The following IKZF2 variants were observed in gnomAD, a reference collection of about 807,000 sequenced individuals.
IKZF2 encodes the protein IKAROS family zinc finger 2, also known as zinc finger protein Helios.
IKZF2 carries 15 observed loss-of-function variants against 49.2 expected under a neutral mutation model. The observed-to-expected ratio is 0.30, with a 90% CI of 0.20 to 0.47. The LOEUF (loss-of-function observed/expected upper bound fraction) is 0.47, where lower values mean the gene tolerates loss of function less well. Ranked by LOEUF, IKZF2 falls within the 20% of genes least tolerant of loss-of-function variation. IKZF2 has a pLI of 1.00. For synonymous variants in IKZF2, 227 were observed against 221.4 expected, an observed-to-expected ratio of 1.03 and a Z score of -0.23; for missense variants, 567 against 664.6, an observed-to-expected ratio of 0.85 and a Z score of 1.61.
intron 4 of IKZF2, among the ~76,000 whole-genome samples, chr2:213,129,453 T>C (rs1389822384): frequency 2.0e-5 from 3 of 150,838 alleles, no homozygotes; most frequent in African/African-American, 7.3e-5. Flanking sequence ...CAGAGGTCCT[T>C]AGACAGGAAC....
intron 4 of IKZF2, among the ~76,000 whole-genome samples, chr2:213,143,387 T>C (rs2060938971): frequency 6.6e-6 from 1 of 151,970 alleles, no homozygotes; most frequent in Non-Finnish European, 1.5e-5. Context: ...GATAGGGAGT[T>C]GGGAGCGGAA....
chr2:213,128,928 AGGCGTGAGCC>A (rs2125883796), intron 4 of IKZF2, among the ~76,000 whole-genome samples: 1 of 150,584 alleles, frequency 6.6e-6, no homozygotes, highest in South Asian at 2.1e-4. Flanking sequence ...CTGGGATTAC[AGGCGTGAGCC>A]ACCACATCTG....
chr2:213,125,907 C>T (rs1360536492), intron 4 of IKZF2, among the ~76,000 whole-genome samples: 1 of 151,848 alleles, frequency 6.6e-6, no homozygotes. Context: ...GGAAAGGAAA[C>T]AAAATATGTA....
chr2:213,079,888 T>C (rs554007632), intron 4 of IKZF2, among the ~76,000 whole-genome samples: 1 of 152,334 alleles, frequency 6.6e-6, no homozygotes, highest in Admixed American at 6.5e-5. Flanking sequence ...ACTTTGTATT[T>C]GCTTTCCTAT....
chr2:213,055,316 T>A (rs1701037017), intron 5 of IKZF2, among the ~76,000 whole-genome samples: 1 of 152,144 alleles, frequency 6.6e-6, no homozygotes. Flanking sequence ...TAGATTATTT[T>A]ATAGTCTTTT....
chr2:213,001,602 C>T lies in IKZF2; in HGVS notation c.*5758G>A, dbSNP rs1248000749. 1 of 151,128 alleles carries T rather than the reference C, an allele frequency of 6.6e-6. No individual in the cohort carries two copies. The highest frequency in any genetic ancestry group is 1.5e-5 in the Non-Finnish European group (1 of 67,410). The allele number at this position is 151,128 out of a possible 1,614,324, so 9.4% of individuals were successfully genotyped here. On this transcript the variant is annotated 3_prime_UTR_variant, in exon 9 of 9. Coordinates refer to ENST00000434687, the MANE Select transcript of IKZF2 (RefSeq NM_001387220.1). ...AAAAATACGTCAGCAGATTATACAA[C>T]CAACAAAAATCACGAAAAAAAAATT... is the stretch of plus-strand genomic sequence containing the variant.
chr2:213,084,762 G>C (rs772569967), intron 4 of IKZF2, among the ~76,000 whole-genome samples: 1 of 152,068 alleles, frequency 6.6e-6, no homozygotes, highest in Non-Finnish European at 1.5e-5. Flanking sequence ...ATAACATTAA[G>C]CCTTGTTGAA....
intron 7 of IKZF2, among the ~76,000 whole-genome samples, chr2:213,018,861 G>T (rs1404030456): frequency 6.6e-6 from 1 of 152,042 alleles, no homozygotes; most frequent in East Asian, 1.9e-4. Flanking sequence ...CTCATGTTTG[G>T]ATTGAACACT....
At chr2:213,091,984 T>C (rs11895664) in intron 4 of IKZF2, among the ~76,000 whole-genome samples, 21,694 of 151,644 alleles carry the variant, frequency 0.14, 3,493 homozygotes, top group African/African-American at 0.4. Flanking sequence ...ATTATATTTT[T>C]ATTAATTTAT....
intron 4 of IKZF2, among the ~76,000 whole-genome samples, chr2:213,112,501 C>G (rs1020623177): frequency 6.6e-6 from 1 of 150,490 alleles, no homozygotes; most frequent in African/African-American, 2.4e-5. Context: ...CACCCTGTCT[C>G]CCAGTGACAG....
intron 4 of IKZF2, among the ~76,000 whole-genome samples, chr2:213,103,471 C>T (rs961068331): frequency 1.3e-5 from 2 of 152,118 alleles, no homozygotes; most frequent in Non-Finnish European, 2.9e-5. Flanking sequence ...TTAGTGGGCA[C>T]TTACTGAATG....
Position 213,150,154 on chromosome 2 carries a change from G to A in IKZF2, c.-26C>T. On this transcript the variant is annotated 5_prime_UTR_variant, in exon 2 of 9. Transcript: ENST00000434687. ...ACGAAATGTACATACAAAAGAAATT[G>A]TCCTTTGATTAAAAAAGATTCATCA... 3 of 1,301,424 alleles carry A rather than the reference G, an allele frequency of 2.3e-6. No homozygotes were observed. The highest frequency in any genetic ancestry group is 3.0e-6 in the Non-Finnish European group (3 of 986,266). 80.6% of individuals were successfully genotyped at this position (1,301,424 alleles called of 1,614,324 possible).
At chr2:213,027,443 T>C (rs6744757) in intron 6 of IKZF2, among the ~76,000 whole-genome samples, 151,016 of 152,236 alleles carry the variant, frequency 0.99, 74,914 homozygotes, top group Middle Eastern at 1. Context: ...CACTTACCCC[T>C]TCCTCTGAGG....
Position 213,057,048 on chromosome 2 carries a change from G to C in IKZF2, c.191C>G (p.Pro64Arg). The change falls in exon 5 of 9, where the codon CCC becomes CGC. Residue 64 changes from proline to arginine, a missense_variant. Pro to Arg is a moderately radical substitution (Grantham distance 103, BLOSUM62 -2). Transcript: ENST00000434687. ...MQSDEECDRK[P>R]LSREDEIRGH... ...CCTGATCTCATCTTCACGGCTCAGGGGTTTCCTGTCACACTCTTCATCACT... is the reference window on the plus strand; with the variant it reads ...CCTGATCTCATCTTCACGGCTCAGGCGTTTCCTGTCACACTCTTCATCACT... 1 of 1,613,634 alleles carries C rather than the reference G, an allele frequency of 6.2e-7. No individual in the cohort carries two copies. The highest frequency in any genetic ancestry group is 8.5e-7 in the Non-Finnish European group (1 of 1,179,820).
intron 4 of IKZF2, among the ~76,000 whole-genome samples, chr2:213,129,032 G>A (rs1267079167): frequency 1.3e-5 from 2 of 151,728 alleles, no homozygotes; most frequent in Admixed American, 1.3e-4. Context: ...CTAAAATAGA[G>A]GGTTTAGAAT....
chr2:213,072,567 C>A (rs1030611735), intron 4 of IKZF2, among the ~76,000 whole-genome samples: 1 of 152,028 alleles, frequency 6.6e-6, no homozygotes, highest in Non-Finnish European at 1.5e-5. Flanking sequence ...GGCAAAGATA[C>A]CTTTCTACAT....
chr2:213,114,758 C>T (rs1255000167), intron 4 of IKZF2, among the ~76,000 whole-genome samples: 1 of 151,928 alleles, frequency 6.6e-6, no homozygotes, highest in African/African-American at 2.4e-5. Flanking sequence ...ATGGTGAAAC[C>T]TCATCTCTAC....
chr2:213,042,008 C>A (rs1699714230), intron 6 of IKZF2, among the ~76,000 whole-genome samples: 1 of 152,136 alleles, frequency 6.6e-6, no homozygotes, highest in East Asian at 1.9e-4. Flanking sequence ...TTGTAGTTCG[C>A]ATCATATAAT....
At chr2:213,096,324 T>C (rs1232181693) in intron 4 of IKZF2, among the ~76,000 whole-genome samples, 1 of 151,964 alleles carries the variant, frequency 6.6e-6, no homozygotes, top group Admixed American at 6.6e-5. Context: ...TTTTTCTGAT[T>C]ATGAAAGTAA....
Sources: gnomAD v4.1 joint callset for allele counts (sites outside exome capture counted in the v4.1 genomes callset) on GRCh38, gnomAD v4.1.1 for gene constraint, MANE v1.5 for transcripts, NCBI Gene and HGNC (gene_info 2026-07-23, HGNC 2026-07-21) for gene names.